NF1: variants seen among roughly 807,000 people sequenced by gnomAD.
NF1 encodes neurofibromin.
NF1 carries 122 observed loss-of-function variants against 325.7 expected under a neutral mutation model. The observed-to-expected ratio is 0.37, with a 90% CI of 0.32 to 0.44. The LOEUF (loss-of-function observed/expected upper bound fraction) is 0.44. NF1 is among the 20% of genes least tolerant of loss of function. The probability of loss-of-function intolerance (pLI) is 1.00; values close to 1 mark genes in which losing one functional copy is unlikely to be tolerated. For missense variants in NF1, 2,140 were observed against 3,415.4 expected (o/e 0.63, Z 9.31); for synonymous variants, 1,091 against 1,186.0 (o/e 0.92, Z 1.65).
chr17:31,248,158 C>T (rs1457396055), intron 29 of NF1, among the ~76,000 whole-genome samples: 1 of 151,804 alleles, frequency 6.6e-6, no homozygotes, highest in East Asian at 1.9e-4. Flanking sequence ...ACTGAGATTG[C>T]GCCATCACAC....
At chr17:31,291,101 T>G (rs1361666935) in intron 36 of NF1, among the ~76,000 whole-genome samples, 4 of 152,204 alleles carry the variant, frequency 2.6e-5, no homozygotes, top group Non-Finnish European at 5.9e-5. Context: ...CTAAGTGAAC[T>G]TAAGGTTCCA....
At chr17:31,139,748 C>G (rs1265548817) in intron 1 of NF1, among the ~76,000 whole-genome samples, 1 of 152,122 alleles carries the variant, frequency 6.6e-6, no homozygotes, top group Admixed American at 6.5e-5. Context: ...AGGAAAGAGG[C>G]TGCTGGTTTA....
At chr17:31,310,638 T>C (rs1293873050) in intron 36 of NF1, among the ~76,000 whole-genome samples, 2 of 151,104 alleles carry the variant, frequency 1.3e-5, no homozygotes, top group East Asian at 1.9e-4. Context: ...ATCCTCTCCC[T>C]TTTTTTTTCC....
Position 31,236,130 on chromosome 17 carries a change from AT to A in NF1, c.3974+111del. 3 of 774,568 alleles carry A rather than the reference AT, an allele frequency of 3.9e-6. No individual in the cohort carries two copies. The South Asian group carries it at 4.8e-5, about 12-fold the overall frequency. 48.0% of individuals were successfully genotyped at this position (774,568 alleles called of 1,614,324 possible). ...GCACCTTCTCCCCTTGATCATTAAA[AT>A]TAGTTTTTAATTATAAAAGTTATAT... On this transcript the variant is annotated intron_variant, in intron 29 of 57. Coordinates refer to ENST00000358273, the MANE Select transcript of NF1 (RefSeq NM_001042492.3).
chr17:31,267,567 A>C (rs2067814482), intron 36 of NF1, among the ~76,000 whole-genome samples: 1 of 152,166 alleles, frequency 6.6e-6, no homozygotes, highest in Non-Finnish European at 1.5e-5. Flanking sequence ...CTCCATTATG[A>C]AGGTCTTGTC....
At chr17:31,351,224 TA>T (rs17880849) in intron 50 of NF1, among the ~76,000 whole-genome samples, 68,829 of 151,788 alleles carry the variant, frequency 0.45, 19,157 homozygotes, top group Non-Finnish European at 0.62. Flanking sequence ...TTTTCTGATT[TA>T]AAAAAAATCA....
At chr17:31,200,917 C>T (rs2066516302) in intron 9 of NF1, 120 bp from the exon 10 acceptor site, 3 of 1,403,300 alleles carry the variant, frequency 2.1e-6, no homozygotes, top group African/African-American at 2.8e-5. Context: ...CTTTGTGCTT[C>T]TTCTGGCAGC....
At chr17:31,309,672 G>T (rs2068817304) in intron 36 of NF1, among the ~76,000 whole-genome samples, 1 of 152,134 alleles carries the variant, frequency 6.6e-6, no homozygotes, top group African/African-American at 2.4e-5. Flanking sequence ...AAACCATACG[G>T]TTCCTCTTTT....
chr17:31,313,465 A>G (rs2151519839), intron 36 of NF1, among the ~76,000 whole-genome samples: 1 of 152,182 alleles, frequency 6.6e-6, no homozygotes, highest in Admixed American at 6.5e-5. Context: ...GCACTTTGGG[A>G]GGCGGAGGTA....
chr17:31,318,364 G>A (rs2069080795), intron 36 of NF1: 1 of 1,613,762 alleles, frequency 6.2e-7, no homozygotes, highest in Non-Finnish European at 8.5e-7. Flanking sequence ...TTCCCTTGTA[G>A]CTGTGAGCAC....
intron 18 of NF1, 51 bp downstream of exon 18, chr17:31,226,735 C>T (rs2151426315): frequency 6.2e-7 from 1 of 1,609,430 alleles, no homozygotes; most frequent in Non-Finnish European, 8.5e-7. Flanking sequence ...AAGCACATGG[C>T]ATCTGATTTT....
rs1131691096 is a variant in NF1 at position 31,221,930 on chromosome 17, G to A, written c.1721+1G>A. On this transcript the variant is annotated splice_donor_variant, in intron 15 of 57. Coordinates refer to ENST00000358273, the MANE Select transcript of NF1 (RefSeq NM_001042492.3). LOFTEE classifies it high-confidence loss of function. ...CTGTAGAAACATTTTGGGAGATTAG[G>A]TATATGTACTTTTATTTTTTAAATT... 1 of 1,590,722 alleles carries A rather than the reference G, an allele frequency of 6.3e-7. No homozygotes were observed. The highest frequency in any genetic ancestry group is 1.7e-5 in the Admixed American group (1 of 57,404).
chr17:31,206,411 A>T (rs186695585), intron 12 of NF1, 40 bp downstream of exon 12: 10 of 1,611,956 alleles, frequency 6.2e-6, no homozygotes, highest in Non-Finnish European at 8.5e-6. Context: ...CCTCCTTTCT[A>T]TTGCATTTTT....
rs2151555419 is a variant in NF1, at chr17:31,336,973, G to C, written c.6427+59G>C. Reference sequence around the variant, plus strand: ...TTCCTTTCTCCATTTTACTTCACCTGATCAATATAGATTATCTTATTTATG... The same window carrying C: ...TTCCTTTCTCCATTTTACTTCACCTCATCAATATAGATTATCTTATTTATG... On this transcript the variant is annotated intron_variant, in intron 42 of 57. Transcript: ENST00000358273. The surrounding 1 kb of genome is among the most constrained non-coding windows in gnomAD (Gnocchi z 5.5). 6.6e-7 allele frequency: 1 copy of C among 1,526,340 alleles called. No individual in the cohort carries two copies. The highest frequency in any genetic ancestry group is 9.0e-7 in the Non-Finnish European group (1 of 1,113,672). The allele number at this position is 1,526,340 out of a possible 1,614,324, so 94.5% of individuals were successfully genotyped here.
chr17:31,144,207 A>G (rs1009295204), intron 1 of NF1, among the ~76,000 whole-genome samples: 2 of 152,204 alleles, frequency 1.3e-5, no homozygotes, highest in Admixed American at 6.5e-5. Context: ...ACCATTTTAA[A>G]TAAGCACCCC....
intron 36 of NF1, among the ~76,000 whole-genome samples, chr17:31,268,261 C>G (rs1205431922): frequency 1.3e-5 from 2 of 152,174 alleles, no homozygotes; most frequent in Non-Finnish European, 2.9e-5. Flanking sequence ...ATGTTAGGTT[C>G]TGGCCAGCCA....
At chr17:31,318,221 G>A in intron 36 of NF1, 1 of 1,507,444 alleles carries the variant, frequency 6.6e-7, no homozygotes, top group Non-Finnish European at 8.9e-7. Context: ...TAGATAATCA[G>A]AACAACACTT....
Position 31,233,232 on chromosome 17 carries a change from C to T in NF1, c.3708+19C>T, listed in dbSNP as rs371590712. 59 of 1,606,914 alleles carry T rather than the reference C, an allele frequency of 3.7e-5. No homozygotes were observed. Among genetic ancestry groups the T allele is most frequent in the African/African-American group, 8.0e-5 (6 of 74,696 alleles). On this transcript the variant is annotated intron_variant, in intron 27 of 57. Transcript: ENST00000358273. ...TCAGTGGGTAAGTGATTAGAGTAAGCGGGGAAGAAAAGTGCCTGGCACATA... is the reference window on the plus strand; with the variant it reads ...TCAGTGGGTAAGTGATTAGAGTAAGTGGGGAAGAAAAGTGCCTGGCACATA...
intron 36 of NF1, among the ~76,000 whole-genome samples, chr17:31,270,464 G>C (rs765534088): frequency 2.0e-5 from 3 of 152,098 alleles, no homozygotes; most frequent in Non-Finnish European, 4.4e-5. Context: ...ACAAAAATCA[G>C]CCGTACATTG....
Sources: allele counts gnomAD v4.1 joint callset (sites outside exome capture counted in the v4.1 genomes callset), GRCh38; gene constraint gnomAD v4.1.1; non-coding constraint Gnocchi (gnomAD v3.1); transcripts MANE v1.5; gene names NCBI Gene and HGNC (gene_info 2026-07-23, HGNC 2026-07-21).